EPHX1: variants seen among roughly 807,000 people sequenced by gnomAD.
EPHX1 encodes the protein epoxide hydratase.
In EPHX1, 40 loss-of-function variants were observed where a neutral mutation model predicts 43.2. The ratio of observed to expected loss-of-function variants is 0.93; its 90% confidence interval spans 0.72 to 1.21. The LOEUF (loss-of-function observed/expected upper bound fraction) is 1.21, where lower values mean the gene tolerates loss of function less well. EPHX1 is among the 50% of genes most tolerant of loss of function. The pLI is 0.00. For synonymous variants in EPHX1, 221 were observed against 226.7 expected (o/e 0.98, Z 0.22); for missense variants, 550 against 570.4 (o/e 0.96, Z 0.36).
In EPHX1 at chr1:225,844,439, C is replaced by A. The variant is rs1668737044; in HGVS notation, c.1041-59C>A. On this transcript the variant is annotated intron_variant, in intron 7 of 8. Transcript: ENST00000272167. The stretch of plus-strand genomic sequence containing the variant: ...GGCATTTGTAGGACTTTCTGGCTGC[C>A]CTTTGTCACACAACTGCATGTGGCA... The A allele has an allele frequency of 7.4e-6, 12 of 1,613,492 alleles. No homozygotes were observed. In the Admixed American group the frequency reaches 2.0e-4, roughly 27 times the overall value.
At position 225,828,906 on chromosome 1, in the gene EPHX1, G is replaced by C; in HGVS notation, c.177G>C (p.Glu59Asp). The change falls in exon 2 of 9, where the codon GAG (glutamate) becomes GAC (aspartate). Residue 59 changes from glutamate (E) to aspartate (D), a missense_variant. By Grantham distance (45) the Glu-to-Asp change is conservative. Coordinates refer to ENST00000272167, the MANE Select transcript of EPHX1 (RefSeq NM_001136018.4). The stretch of plus-strand genomic sequence containing the variant: ...TCAAGGTGGAAACGTCAGATGAGGA[G>C]ATCCACGTAAGGCACCTTGGGCCGG... The part of the protein sequence containing the change: ...RPFKVETSDE[E>D]IHDLHQRIDK... The C allele has an allele frequency of 2.5e-6, 4 of 1,574,336 alleles. No individual in the cohort carries two copies. The highest frequency in any genetic ancestry group is 3.5e-6 in the Non-Finnish European group (4 of 1,157,272).
In EPHX1 at chr1:225,838,843, T is replaced by C. The variant is rs748882501; in HGVS notation, c.554T>C (p.Ile185Thr). 6.2e-7 allele frequency: 1 copy of C among 1,614,148 alleles called. No individual in the cohort carries two copies. Among genetic ancestry groups the C allele is most frequent in the South Asian group, 1.1e-5 (1 of 91,080 alleles). ...EHVFEVICPS[I>T]PGYGFSEASS... ...GTTTTTGAAGTCATCTGCCCTTCCA[T>C]CCCTGGCTATGGCTTCTCAGAGGCA... Residue 185 changes from isoleucine to threonine, a missense_variant, in exon 4 of 9, where the codon ATC becomes ACC. By Grantham distance (89) the Ile-to-Thr change is moderately conservative. Coordinates refer to ENST00000272167, the MANE Select transcript of EPHX1 (RefSeq NM_001136018.4).
chr1:225,812,394 G>A (rs1265842361), intron 1 of EPHX1, among the ~76,000 whole-genome samples: 2 of 152,172 alleles, frequency 1.3e-5, no homozygotes, highest in East Asian at 1.9e-4. Context: ...ATGGACTTAC[G>A]CGGCTGGGAA....
At chr1:225,811,481 C>T (rs751348931) in intron 1 of EPHX1, among the ~76,000 whole-genome samples, 7 of 152,144 alleles carry the variant, frequency 4.6e-5, no homozygotes, top group Non-Finnish European at 8.8e-5. Context: ...TTGGCAGGCC[C>T]GCTTCCAGGA....
intron 7 of EPHX1, among the ~76,000 whole-genome samples, chr1:225,843,212 T>TTC (rs59657372): frequency 0.49 from 74,049 of 151,886 alleles, 18,806 homozygotes; most frequent in African/African-American, 0.63. Flanking sequence ...GGAAGGAGGA[T>TTC]TCTTTGTCTA....
chr1:225,838,536 G>C (rs1177108211), intron 3 of EPHX1, 118 bp from the exon 4 acceptor site: 5 of 816,418 alleles, frequency 6.1e-6, no homozygotes, highest in Non-Finnish European at 1.0e-5. Flanking sequence ...ATACCATGAA[G>C]GGGCGGCGGG....
intron 3 of EPHX1, among the ~76,000 whole-genome samples, chr1:225,832,892 G>A (rs528863469): frequency 1.3e-5 from 2 of 152,096 alleles, no homozygotes; most frequent in Non-Finnish European, 2.9e-5. Flanking sequence ...CCATTTTTTG[G>A]GTGTTTTATT....
chr1:225,814,141 C>G (rs977021915), intron 1 of EPHX1, among the ~76,000 whole-genome samples: 3 of 152,212 alleles, frequency 2.0e-5, no homozygotes, highest in Non-Finnish European at 4.4e-5. Context: ...ATGGCGCACA[C>G]CTGTAATCCC....
intron 1 of EPHX1, among the ~76,000 whole-genome samples, chr1:225,824,800 G>T (rs961779181): frequency 6.6e-6 from 1 of 152,172 alleles, no homozygotes; most frequent in Non-Finnish European, 1.5e-5. Flanking sequence ...ATGTGGGAGC[G>T]CAAGGCGGCA....
chr1:225,833,274 A>G (rs1184741032), intron 3 of EPHX1, among the ~76,000 whole-genome samples: 1 of 152,246 alleles, frequency 6.6e-6, no homozygotes, highest in African/African-American at 2.4e-5. Context: ...AAATTCTAGG[A>G]ATTACTTAAA....
At chr1:225,815,786 G>T (rs1044637420) in intron 1 of EPHX1, among the ~76,000 whole-genome samples, 3 of 152,222 alleles carry the variant, frequency 2.0e-5, no homozygotes, top group Non-Finnish European at 2.9e-5. Flanking sequence ...GCAGGCTCAG[G>T]TTCCTCCATG....
intron 2 of EPHX1, among the ~76,000 whole-genome samples, chr1:225,830,513 G>A (rs575666416): frequency 4.6e-5 from 7 of 152,296 alleles, no homozygotes; most frequent in South Asian, 2.1e-4. Context: ...TCACCAGGCT[G>A]GGGTGCAGTG....
intron 3 of EPHX1, among the ~76,000 whole-genome samples, chr1:225,837,161 T>C (rs951646921): frequency 6.6e-6 from 1 of 152,252 alleles, no homozygotes; most frequent in Admixed American, 6.5e-5. Context: ...AACACCATGT[T>C]TTCTTTAGAG....
At chr1:225,838,473 GC>G (rs570405970) in intron 3 of EPHX1, among the ~76,000 whole-genome samples, 180 bp from the exon 4 acceptor site, 89 of 152,192 alleles carry the variant, frequency 5.8e-4, no homozygotes, top group African/African-American at 2.1e-3. Context: ...GGACATCTGT[GC>G]ACCTGGAGCA....
intron 8 of EPHX1, 41 bp downstream of exon 8, chr1:225,844,664 G>A: frequency 6.2e-7 from 1 of 1,611,708 alleles, no homozygotes; most frequent in East Asian, 2.2e-5. Context: ...TCTGAGGCTG[G>A]AGGCAGGGGG....
chr1:225,814,621 G>A (rs372697735), intron 1 of EPHX1, among the ~76,000 whole-genome samples: 150 of 152,290 alleles, frequency 9.8e-4, no homozygotes, highest in African/African-American at 3.5e-3. Context: ...GCTGGTGACC[G>A]GGAGCAGGAG....
chr1:225,812,105 G>C (rs1666509465), intron 1 of EPHX1, among the ~76,000 whole-genome samples: 1 of 152,156 alleles, frequency 6.6e-6, no homozygotes, highest in African/African-American at 2.4e-5. Flanking sequence ...GGGGGCAGGA[G>C]TGTGCCCAGC....
chr1:225,844,584 A>G lies in EPHX1; in HGVS notation c.1127A>G (p.Glu376Gly). 1.9e-6 allele frequency: 3 copies of G among 1,614,124 alleles called. No individual in the cohort carries two copies. The highest frequency in any genetic ancestry group is 2.5e-6 in the Non-Finnish European group (3 of 1,179,984). Residue 376 changes from glutamate to glycine, a missense_variant, in exon 8 of 9, where the codon GAG becomes GGG. Physicochemically the swap from Glu to Gly is moderately conservative, Grantham distance 98. Transcript: ENST00000272167. The part of the protein sequence containing the change: ...TIISSQRFYK[E>G]NLGQGWMTQK... ...ATCTCCTCCCAGCGCTTCTACAAGG[A>G]GAACCTGGGACAGGGCTGGATGACC... is the stretch of plus-strand genomic sequence containing the variant.
rs770735746 is a variant in EPHX1, at chr1:225,831,974, C to T, written c.364+15C>T. 27 of 1,613,168 alleles carry T rather than the reference C, an allele frequency of 1.7e-5. No homozygotes were observed. The highest frequency in any genetic ancestry group is 5.3e-5 in the African/African-American group (4 of 74,904). On this transcript the variant is annotated intron_variant, in intron 3 of 8. Coordinates refer to ENST00000272167, the MANE Select transcript of EPHX1 (RefSeq NM_001136018.4). ...TAAGATTGAAGGTATGTTTGCAAAACGCCAGCCAGAGAGGGATGTATGTCA... is the reference window on the plus strand; with the variant it reads ...TAAGATTGAAGGTATGTTTGCAAAATGCCAGCCAGAGAGGGATGTATGTCA...
Sources: gnomAD v4.1 joint callset for allele counts (sites outside exome capture counted in the v4.1 genomes callset) on GRCh38, gnomAD v4.1.1 for gene constraint, MANE v1.5 for transcripts, NCBI Gene and HGNC (gene_info 2026-07-23, HGNC 2026-07-21) for gene names.